The following WIPI1 variants were observed in gnomAD, a reference collection of about 807,000 sequenced individuals.
WIPI1 encodes the protein WD repeat domain, phosphoinositide interacting 1.
In WIPI1, 45 loss-of-function variants were observed where a neutral mutation model predicts 55.3. That is an observed-to-expected ratio of 0.81 (90% CI 0.64 to 1.04). The LOEUF (loss-of-function observed/expected upper bound fraction) is 1.04. Among genes scored for constraint, WIPI1 ranks in the 50% least tolerant of loss-of-function variants. WIPI1 has a pLI of 0.00. For synonymous variants in WIPI1, 195 were observed against 217.6 expected (o/e 0.90, Z 0.92); for missense variants, 445 against 559.0 (o/e 0.80, Z 2.06).
At chr17:68,437,005 A>AATATATAT (rs1555801305) in intron 4 of WIPI1, among the ~76,000 whole-genome samples, 119 of 107,246 alleles carry the variant, frequency 1.1e-3, no homozygotes, top group African/African-American at 3.3e-3. Flanking sequence ...AAAAAAAAAA[A>AATATATAT]ATATATATAT....
chr17:68,427,016 G>A lies in WIPI1; in HGVS notation c.1192+119C>T, dbSNP rs144724567. 8.1e-4 allele frequency: 654 copies of A among 802,966 alleles called. 7 individuals carry two copies. In the African/African-American group the frequency reaches 0.011, roughly 13 times the overall value. The allele number at this position is 802,966 out of a possible 1,614,324, so 49.7% of individuals were successfully genotyped here. On this transcript the variant is annotated intron_variant, in intron 11 of 12. Transcript: ENST00000262139. ...CCCAGGTAACAGTGAAGGGGGAAGGGGAGGGAGGGCACTCCACCCCCAGGT... is the reference window on the plus strand; with the variant it reads ...CCCAGGTAACAGTGAAGGGGGAAGGAGAGGGAGGGCACTCCACCCCCAGGT...
At chr17:68,430,698 C>T (rs2083469475) in intron 8 of WIPI1, among the ~76,000 whole-genome samples, 1 of 152,170 alleles carries the variant, frequency 6.6e-6, no homozygotes. Flanking sequence ...TGCAAAGGGA[C>T]CTGGGATGTC....
At chr17:68,450,344 C>G (rs1014455201) in intron 3 of WIPI1, among the ~76,000 whole-genome samples, 1 of 152,198 alleles carries the variant, frequency 6.6e-6, no homozygotes, top group Admixed American at 6.5e-5. Flanking sequence ...CCAACATCTG[C>G]AATGAATGAC....
intron 6 of WIPI1, 65 bp from the exon 7 acceptor site, chr17:68,434,691 G>C: frequency 6.5e-7 from 1 of 1,548,496 alleles, no homozygotes; most frequent in Non-Finnish European, 8.8e-7. Context: ...TGTCCCTTTA[G>C]AGAGGAGTTT....
chr17:68,451,509 G>C (rs967554637), intron 2 of WIPI1, among the ~76,000 whole-genome samples: 1 of 152,232 alleles, frequency 6.6e-6, no homozygotes, highest in Admixed American at 6.5e-5. Flanking sequence ...GATGCTGTCT[G>C]AGTGGCAGAA....
rs747617119 is a variant in WIPI1, at chr17:68,428,829, C to T, written c.1073G>A (p.Ser358Asn). 1 of 1,611,638 alleles carries T rather than the reference C, an allele frequency of 6.2e-7. No homozygotes were observed. Among genetic ancestry groups the T allele is most frequent in the Admixed American group, 1.7e-5 (1 of 60,012 alleles). Reference sequence around the variant, plus strand: ...GTCTTTTGAAAAGCAGTCTCTTCACCTGTGGGTTTTGATTAAGACACACTC... The same window carrying T: ...GTCTTTTGAAAAGCAGTCTCTTCACTTGTGGGTTTTGATTAAGACACACTC... The part of the protein sequence containing the change: ...GGECVLIKTH[S>N]LLGSGTTEEN... Residue 358 changes from serine to asparagine, a missense_variant and splice_region_variant, in exon 10 of 13, where the codon AGC becomes AAC. By Grantham distance (46) the Ser-to-Asn change is conservative. Transcript: ENST00000262139.
chr17:68,426,660 G>A (rs758099325), intron 11 of WIPI1, among the ~76,000 whole-genome samples: 28 of 152,296 alleles, frequency 1.8e-4, no homozygotes, highest in African/African-American at 6.7e-4. Flanking sequence ...AGCCTCCGGA[G>A]TAGCTGGGAT....
At position 68,423,208 on chromosome 17, in the gene WIPI1, C is replaced by T. The variant is rs2082924127; in HGVS notation, c.1294-1388G>A. Reference sequence around the variant, plus strand: ...GATGTGAATTCTGCACAGAGATTTGCAATAGGCATGACAATTCAGAATAAG... The same window carrying T: ...GATGTGAATTCTGCACAGAGATTTGTAATAGGCATGACAATTCAGAATAAG... On this transcript the variant is annotated intron_variant, in intron 12 of 12. Transcript: ENST00000262139. This position sits in a 1 kb window ranked among gnomAD's most constrained non-coding sequence, Gnocchi z 4.4. Among the ~76,000 whole-genome samples the T allele has an allele frequency of 6.6e-6, 1 of 152,194 alleles. No individual in the cohort carries two copies. Among genetic ancestry groups the T allele is most frequent in the Admixed American group, 6.5e-5 (1 of 15,284 alleles).
chr17:68,445,541 A>C lies in WIPI1; in HGVS notation c.334-952T>G, dbSNP rs57342560. Reference sequence around the variant, plus strand: ...GAACACCCCAGTGCCCCACGTCCCCACTGTTCCTTCCTGGGCTCCTCTCTC... The same window carrying C: ...GAACACCCCAGTGCCCCACGTCCCCCCTGTTCCTTCCTGGGCTCCTCTCTC... On this transcript the variant is annotated intron_variant, in intron 3 of 12. Transcript: ENST00000262139. 3.0e-3 allele frequency among the ~76,000 whole-genome samples: 452 copies of C among 152,006 alleles called. 4 individuals are homozygous for C. The highest frequency in any genetic ancestry group is 0.01 in the African/African-American group (426 of 41,460).
At chr17:68,443,848 A>G (rs932099677) in intron 4 of WIPI1, among the ~76,000 whole-genome samples, 5 of 152,178 alleles carry the variant, frequency 3.3e-5, no homozygotes, top group Non-Finnish European at 5.9e-5. Flanking sequence ...TCCTCACCCC[A>G]CCACACAATG....
intron 2 of WIPI1, 41 bp from the exon 3 acceptor site, chr17:68,450,938 C>G: frequency 3.8e-6 from 6 of 1,580,082 alleles, no homozygotes; most frequent in Non-Finnish European, 5.1e-6. Context: ...GGATTGATCA[C>G]TTCCAAGAAG....
chr17:68,426,252 G>GGGGGGGGGGGA, intron 11 of WIPI1, 77 bp from the exon 12 acceptor site: 2 of 828,188 alleles, frequency 2.4e-6, no homozygotes, highest in Non-Finnish European at 3.8e-6. Flanking sequence ...TGGGGAGCGG[G>GGGGGGGGGGGA]GGCTCAAATA....
chr17:68,442,710 G>C (rs2084131195), intron 4 of WIPI1, among the ~76,000 whole-genome samples: 1 of 152,158 alleles, frequency 6.6e-6, no homozygotes, highest in South Asian at 2.1e-4. Context: ...GCTCTATGCA[G>C]ATTCAGGGGC....
intron 1 of WIPI1, among the ~76,000 whole-genome samples, chr17:68,453,500 A>G (rs2084568489): frequency 7.2e-6 from 1 of 138,138 alleles, no homozygotes; most frequent in Non-Finnish European, 1.5e-5. Context: ...TTTTTTTGAG[A>G]GGGAGTCTCG....
intron 1 of WIPI1, among the ~76,000 whole-genome samples, chr17:68,453,884 C>T (rs1474487436): frequency 6.6e-6 from 1 of 152,152 alleles, no homozygotes; most frequent in Non-Finnish European, 1.5e-5. Context: ...ACTAGTAGCT[C>T]TCACACCTGG....
intron 4 of WIPI1, among the ~76,000 whole-genome samples, chr17:68,442,329 G>T (rs1734342094): frequency 6.6e-6 from 1 of 152,064 alleles, no homozygotes; most frequent in African/African-American, 2.4e-5. Flanking sequence ...GCTGGGTGTG[G>T]TGGTAGGCAC....
chr17:68,457,155 T>C lies in WIPI1; in HGVS notation c.80+187A>G, dbSNP rs559192491. Among the ~76,000 whole-genome samples the C allele has an allele frequency of 1.0e-3, 151 of 147,622 alleles. 1 individual carries two copies. Among genetic ancestry groups the C allele is most frequent in the African/African-American group, 3.6e-3 (146 of 40,352 alleles). On this transcript the variant is annotated intron_variant, in intron 1 of 12. Transcript: ENST00000262139. ...GGAGGACACTGGGAGTGGGGTGGGG[T>C]GGGGGGTGCGGCAAACCCCACTGAA...
intron 4 of WIPI1, among the ~76,000 whole-genome samples, chr17:68,438,949 A>G (rs895347562): frequency 6.6e-6 from 1 of 152,224 alleles, no homozygotes; most frequent in Non-Finnish European, 1.5e-5. Flanking sequence ...ATGAGATACC[A>G]CTGTACAACC....
chr17:68,421,413 T>C lies in WIPI1; in HGVS notation c.*360A>G. ...CTCTAAGTATGTAATATACAAGAAA[T>C]ACAATTCAAAGAGATGTTCCTATAA... On this transcript the variant is annotated 3_prime_UTR_variant, in exon 13 of 13. Coordinates refer to ENST00000262139, the MANE Select transcript of WIPI1 (RefSeq NM_017983.7). 4.0e-6 allele frequency: 1 copy of C among 249,684 alleles called. No individual in the cohort carries two copies. Among genetic ancestry groups the C allele is most frequent in the Non-Finnish European group, 8.0e-6 (1 of 125,312 alleles). 15.5% of individuals were successfully genotyped at this position (249,684 alleles called of 1,614,324 possible).
Sources: allele counts gnomAD v4.1 joint callset (sites outside exome capture counted in the v4.1 genomes callset), GRCh38; gene constraint gnomAD v4.1.1; non-coding constraint Gnocchi (gnomAD v3.1); transcripts MANE v1.5; gene names NCBI Gene and HGNC (gene_info 2026-07-23, HGNC 2026-07-21).